Variants in TMEM131L observed in about 807,000 individuals in gnomAD.
TMEM131L encodes transmembrane 131 like.
A neutral mutation model predicts 192.2 loss-of-function variants in TMEM131L; 54 were observed. That is an observed-to-expected ratio of 0.28 (90% CI 0.23 to 0.35). TMEM131L has a LOEUF of 0.35. Ranked by LOEUF, TMEM131L falls within the 10% of genes least tolerant of loss-of-function variation. The pLI is 1.00. For missense variants in TMEM131L, 1,888 were observed against 1,972.9 expected (o/e 0.96, Z 0.82); for synonymous variants, 701 against 704.9 (o/e 0.99, Z 0.09).
At chr4:153,603,720 C>A in intron 24 of TMEM131L, 82 bp from the exon 25 acceptor site, 1 of 1,424,884 alleles carries the variant, frequency 7.0e-7, no homozygotes, top group Admixed American at 2.3e-5. Context: ...GATTGCTACC[C>A]TTTTCTCATG....
chr4:153,582,137 G>A (rs1378041214), intron 9 of TMEM131L, among the ~76,000 whole-genome samples: 1 of 152,122 alleles, frequency 6.6e-6, no homozygotes, highest in Non-Finnish European at 1.5e-5. Flanking sequence ...GAGTATACTA[G>A]TATCTTTTGG....
In TMEM131L at chr4:153,584,930, G is replaced by T; in HGVS notation, c.1156G>T (p.Gly386Trp). The change falls in exon 12 of 35, where the codon GGG becomes TGG. Residue 386 changes from glycine to tryptophan, a missense_variant and splice_region_variant. Physicochemically the swap from Gly to Trp is radical, Grantham distance 184. Transcript: ENST00000409959. ...KACLFSSVAQGYFRMDSSATQ... is the reference protein window; with the variant it reads ...KACLFSSVAQWYFRMDSSATQ... ...ATGCCTCTTCTCTTCTGTGGCTCAG[G>T]GGTAGGTTACTTCCACTTTCCCTGA... The T allele has an allele frequency of 6.2e-7, 1 of 1,610,030 alleles. No homozygotes were observed. Among genetic ancestry groups the T allele is most frequent in the South Asian group, 1.1e-5 (1 of 90,944 alleles).
chr4:153,473,815 C>T, intron 2 of TMEM131L, 30 bp from the exon 3 acceptor site: 1 of 1,528,090 alleles, frequency 6.5e-7, no homozygotes, highest in Non-Finnish European at 8.8e-7. Flanking sequence ...CAAACAGAAA[C>T]AACGGTTAAC....
At chr4:153,482,684 T>C (rs1318677356) in intron 3 of TMEM131L, among the ~76,000 whole-genome samples, 1 of 152,202 alleles carries the variant, frequency 6.6e-6, no homozygotes, top group Non-Finnish European at 1.5e-5. Context: ...CTGGACTTCA[T>C]GGGCTTAAGC....
intron 3 of TMEM131L, among the ~76,000 whole-genome samples, chr4:153,514,370 C>G (rs1459060338): frequency 6.6e-6 from 1 of 152,090 alleles, no homozygotes; most frequent in African/African-American, 2.4e-5. Flanking sequence ...GCATTTGTCT[C>G]GGCTGAGTAG....
intron 25 of TMEM131L, among the ~76,000 whole-genome samples, chr4:153,611,043 GTA>G (rs1732575455): frequency 1.3e-5 from 2 of 152,212 alleles, no homozygotes; most frequent in African/African-American, 4.8e-5. Context: ...GATAGAAGAA[GTA>G]TACTTATGAA....
intron 7 of TMEM131L, among the ~76,000 whole-genome samples, chr4:153,574,253 G>A (rs1303883651): frequency 6.6e-6 from 1 of 152,208 alleles, no homozygotes; most frequent in Non-Finnish European, 1.5e-5. Context: ...GTTTGCATGA[G>A]TGGGTCTGGC....
rs1216119441 is a variant in TMEM131L at position 153,582,420 on chromosome 4, G to GTTTTTTTTTTTTTTTT, written c.893-761_893-760insTTTTTTTTTTTTTTTT. On this transcript the variant is annotated intron_variant, in intron 9 of 34. Transcript: ENST00000409959. ...CCACTATGCCTGGCTAATTTAAACCGTTTTTTTTTGTTGTTTTTTTTTTTT... is the reference window on the plus strand; with the variant it reads ...CCACTATGCCTGGCTAATTTAAACCGTTTTTTTTTTTTTTTTTTTTTTTTTGTTGTTTTTTTTTTTT... Among the ~76,000 whole-genome samples, 9 of 81,846 alleles carry GTTTTTTTTTTTTTTTT rather than the reference G, an allele frequency of 1.1e-4. 1 individual carries two copies. Among genetic ancestry groups the GTTTTTTTTTTTTTTTT allele is most frequent in the African/African-American group, 2.2e-4 (4 of 18,240 alleles). 53.7% of individuals were successfully genotyped at this position (81,846 alleles called of 152,430 possible).
At chr4:153,491,492 C>T (rs761642523) in intron 3 of TMEM131L, among the ~76,000 whole-genome samples, 9 of 151,720 alleles carry the variant, frequency 5.9e-5, no homozygotes, top group Non-Finnish European at 1.3e-4. Context: ...TTTTGTTGCT[C>T]TGTAATCATT....
At chr4:153,487,976 T>G (rs1580051082) in intron 3 of TMEM131L, among the ~76,000 whole-genome samples, 2 of 75,630 alleles carry the variant, frequency 2.6e-5, no homozygotes, top group East Asian at 7.9e-4. Context: ...GGCCTGTGGC[T>G]GGTTGTGTGT....
chr4:153,577,907 T>G (rs966741213), intron 7 of TMEM131L, among the ~76,000 whole-genome samples: 2 of 151,982 alleles, frequency 1.3e-5, no homozygotes, highest in Admixed American at 1.3e-4. Context: ...GTTGGACATA[T>G]AGGTATGGAG....
At chr4:153,575,625 A>G (rs1266578707) in intron 7 of TMEM131L, among the ~76,000 whole-genome samples, 3 of 152,172 alleles carry the variant, frequency 2.0e-5, no homozygotes, top group African/African-American at 7.2e-5. Context: ...AATACTTTAT[A>G]TGAAATAATA....
intron 21 of TMEM131L, among the ~76,000 whole-genome samples, chr4:153,600,542 C>T (rs536869633): frequency 1.3e-5 from 2 of 152,196 alleles, no homozygotes; most frequent in African/African-American, 4.8e-5. Context: ...TGTATTTAAA[C>T]GAAATGCCTT....
At chr4:153,623,719 G>C (rs761391427) in intron 29 of TMEM131L, among the ~76,000 whole-genome samples, 1 of 152,150 alleles carries the variant, frequency 6.6e-6, no homozygotes, top group Non-Finnish European at 1.5e-5. Context: ...ATACTCCATT[G>C]TATGTGCAGA....
intron 3 of TMEM131L, among the ~76,000 whole-genome samples, chr4:153,474,215 A>G (rs1388357671): frequency 6.6e-6 from 1 of 152,232 alleles, no homozygotes; most frequent in Non-Finnish European, 1.5e-5. Flanking sequence ...ATGAAACACA[A>G]ACAAGACCTC....
Position 153,581,468 on chromosome 4 carries a change from A to G in TMEM131L, c.800A>G (p.Glu267Gly), listed in dbSNP as rs759974848. 1.3e-6 allele frequency: 2 copies of G among 1,598,572 alleles called. No individual in the cohort carries two copies. Among genetic ancestry groups the G allele is most frequent in the Non-Finnish European group, 1.7e-6 (2 of 1,170,794 alleles). Residue 267 changes from glutamate (E) to glycine (G), a missense_variant, in exon 9 of 35, where the codon GAA becomes GGA. Physicochemically the swap from Glu to Gly is moderately conservative, Grantham distance 98. Transcript: ENST00000409959. ...CAAATGAGCATAATGGTAACAATGGAAAACTTTTCAAAAGAATTTGAAGAA... is the reference window on the plus strand; with the variant it reads ...CAAATGAGCATAATGGTAACAATGGGAAACTTTTCAAAAGAATTTGAAGAA... ...RLQMSIMVTM[E>G]NFSKEFEENT...
At chr4:153,534,526 C>T (rs1024586785) in intron 3 of TMEM131L, among the ~76,000 whole-genome samples, 12 of 152,114 alleles carry the variant, frequency 7.9e-5, no homozygotes, top group South Asian at 2.1e-4. Context: ...CTTTGCCTCC[C>T]GGGTTCAAGC....
At chr4:153,622,390 GC>G (rs1733492120) in intron 28 of TMEM131L, among the ~76,000 whole-genome samples, 1 of 152,156 alleles carries the variant, frequency 6.6e-6, no homozygotes, top group Non-Finnish European at 1.5e-5. Context: ...CCAGACGCAT[GC>G]CCCATGTCCC....
intron 3 of TMEM131L, among the ~76,000 whole-genome samples, chr4:153,537,189 T>C (rs1195960215): frequency 6.6e-6 from 1 of 152,200 alleles, no homozygotes; most frequent in East Asian, 1.9e-4. Context: ...TAGTGGAAAC[T>C]GAACTTCTGA....
Sources: allele counts gnomAD v4.1 joint callset (sites outside exome capture counted in the v4.1 genomes callset), GRCh38; gene constraint gnomAD v4.1.1; transcripts MANE v1.5; gene names NCBI Gene and HGNC (gene_info 2026-07-23, HGNC 2026-07-21).